Variants in ALPK1 observed in about 807,000 individuals in gnomAD.
ALPK1 encodes alpha kinase 1, also known as alpha-protein kinase 1.
Under a neutral mutation model 120.6 loss-of-function variants are expected in ALPK1, and 110 were observed. The observed-to-expected ratio is 0.91, with a 90% CI of 0.78 to 1.07. The LOEUF (loss-of-function observed/expected upper bound fraction) is 1.07. ALPK1 is among the 50% of genes least tolerant of loss of function. The pLI is 0.00. For synonymous variants in ALPK1, 582 were observed against 560.3 expected (o/e 1.04, Z -0.55); for missense variants, 1,498 against 1,483.9 (o/e 1.01, Z -0.16).
At chr4:112,356,975 C>T (rs1347873632) in intron 2 of ALPK1, 3 of 768,658 alleles carry the variant, frequency 3.9e-6, no homozygotes, top group African/African-American at 3.4e-5. Flanking sequence ...AGACCAGGTG[C>T]TGGAGGAGCA....
At chr4:112,425,483 A>G in intron 6 of ALPK1, 182 bp from the exon 7 acceptor site, 1 of 471,660 alleles carries the variant, frequency 2.1e-6, no homozygotes, top group Admixed American at 3.4e-5. Flanking sequence ...GAGACCAGAC[A>G]GGAGTCAGTT....
intron 6 of ALPK1, 27 bp from the exon 7 acceptor site, chr4:112,425,638 C>T (rs780445460): frequency 1.9e-6 from 3 of 1,591,952 alleles, no homozygotes; most frequent in Admixed American, 3.4e-5. Flanking sequence ...TCTGATAATT[C>T]AAGGGAATTT....
At chr4:112,340,293 C>T (rs1040481585) in intron 2 of ALPK1, among the ~76,000 whole-genome samples, 9 of 152,160 alleles carry the variant, frequency 5.9e-5, no homozygotes, top group Non-Finnish European at 1.2e-4. Context: ...GCAAACATTG[C>T]GTAATATAGA....
chr4:112,377,763 T>C lies in ALPK1; in HGVS notation c.-15T>C, dbSNP rs1382931719. On this transcript the variant is annotated 5_prime_UTR_variant, in exon 3 of 16. Coordinates refer to ENST00000650871, the MANE Select transcript of ALPK1 (RefSeq NM_025144.4). ...TCACCCTAGACCCAGGGACACCCAA[T>C]TCATCGTAATCATCATGAATAATCA... 1.2e-6 allele frequency: 2 copies of C among 1,601,706 alleles called. No homozygotes were observed. Among genetic ancestry groups the C allele is most frequent in the Non-Finnish European group, 1.7e-6 (2 of 1,170,978 alleles).
chr4:112,419,309 A>G (rs1242398544), intron 5 of ALPK1, among the ~76,000 whole-genome samples: 1 of 152,148 alleles, frequency 6.6e-6, no homozygotes, highest in Non-Finnish European at 1.5e-5. Context: ...GGACAAATAT[A>G]TGTGGAAAGC....
At chr4:112,306,282 T>C (rs1271485610) in intron 1 of ALPK1, among the ~76,000 whole-genome samples, 3 of 152,024 alleles carry the variant, frequency 2.0e-5, no homozygotes, top group East Asian at 3.9e-4. Context: ...TTAGGGAGGA[T>C]TCCCTCTTTT....
At chr4:112,374,235 A>G (rs1731550403) in intron 2 of ALPK1, among the ~76,000 whole-genome samples, 2 of 152,226 alleles carry the variant, frequency 1.3e-5, no homozygotes, top group South Asian at 2.1e-4. Flanking sequence ...TGTTCACAGC[A>G]TCTTTACCAG....
At chr4:112,397,334 T>C (rs1732695556) in intron 4 of ALPK1, among the ~76,000 whole-genome samples, 1 of 152,238 alleles carries the variant, frequency 6.6e-6, no homozygotes, top group African/African-American at 2.4e-5. Flanking sequence ...TTATGTATTC[T>C]GTATGTGAAG....
At chr4:112,439,946 A>G in intron 14 of ALPK1, 74 bp downstream of exon 14, 1 of 1,277,038 alleles carries the variant, frequency 7.8e-7, no homozygotes, top group Non-Finnish European at 1.1e-6. Flanking sequence ...AGCTTCCCTA[A>G]TCTTTACTTA....
At chr4:112,320,999 C>T (rs1196738388) in intron 2 of ALPK1, among the ~76,000 whole-genome samples, 3 of 151,140 alleles carry the variant, frequency 2.0e-5, no homozygotes, top group Non-Finnish European at 4.4e-5. Context: ...CAGGTTCACG[C>T]CATTCTTCTG....
At chr4:112,318,354 T>C (rs1034262269) in intron 2 of ALPK1, among the ~76,000 whole-genome samples, 1 of 152,246 alleles carries the variant, frequency 6.6e-6, no homozygotes, top group Non-Finnish European at 1.5e-5. Context: ...GAGGAAGTGG[T>C]GTTAACTCCA....
chr4:112,373,894 C>T (rs550039485), intron 2 of ALPK1, among the ~76,000 whole-genome samples: 2 of 152,264 alleles, frequency 1.3e-5, no homozygotes, highest in East Asian at 3.9e-4. Context: ...CTAAAAAATG[C>T]TAATGATTAT....
chr4:112,370,519 A>G (rs1252271672), intron 2 of ALPK1, among the ~76,000 whole-genome samples: 1 of 152,254 alleles, frequency 6.6e-6, no homozygotes, highest in Non-Finnish European at 1.5e-5. Flanking sequence ...AGCTCACAGA[A>G]TGCCACAGTT....
At chr4:112,318,640 G>A (rs1728737156) in intron 2 of ALPK1, among the ~76,000 whole-genome samples, 1 of 152,228 alleles carries the variant, frequency 6.6e-6, no homozygotes, top group East Asian at 1.9e-4. Context: ...GAAAACTGAT[G>A]AGTTTATTAG....
At chr4:112,357,306 C>T (rs553379414) in intron 2 of ALPK1, 41 of 956,444 alleles carry the variant, frequency 4.3e-5, no homozygotes, top group East Asian at 1.7e-4. Context: ...CAGAAGCTGG[C>T]GGATATTGTC....
At position 112,411,861 on chromosome 4, in the gene ALPK1, G is replaced by A; in HGVS notation, c.311G>A (p.Cys104Tyr). Residue 104 changes from cysteine (C) to tyrosine (Y), a missense_variant, in exon 5 of 16, where the codon TGT becomes TAT. Cys to Tyr is a radical substitution (Grantham distance 194). Coordinates refer to ENST00000650871, the MANE Select transcript of ALPK1 (RefSeq NM_025144.4). ...SLRASILARD[C>Y]AAAAAIVFLV... ...AGGGCCTCCATCCTCGCTCGGGACT[G>A]TGCGGCTGCGGCGGCTATTGTGTTC... The A allele has an allele frequency of 6.2e-7, 1 of 1,613,652 alleles. No homozygotes were observed. The highest frequency in any genetic ancestry group is 8.5e-7 in the Non-Finnish European group (1 of 1,179,892).
intron 1 of ALPK1, among the ~76,000 whole-genome samples, chr4:112,313,906 C>T: frequency 6.6e-6 from 1 of 151,892 alleles, no homozygotes; most frequent in East Asian, 1.9e-4. Context: ...GGGAATTTTG[C>T]TAAAAAAGAC....
intron 2 of ALPK1, among the ~76,000 whole-genome samples, chr4:112,330,912 T>C (rs1420237190): frequency 1.3e-5 from 2 of 152,090 alleles, no homozygotes; most frequent in African/African-American, 4.8e-5. Context: ...AAGAGAAGCA[T>C]AGCAAGGGAG....
At chr4:112,426,424 G>C in intron 7 of ALPK1, 43 bp from the exon 8 acceptor site, 1 of 1,487,438 alleles carries the variant, frequency 6.7e-7, no homozygotes, top group Non-Finnish European at 9.3e-7. Context: ...GATACTAGCT[G>C]TTCCTCCCCT....
Sources: gnomAD v4.1 joint callset for allele counts (sites outside exome capture counted in the v4.1 genomes callset) on GRCh38, gnomAD v4.1.1 for gene constraint, MANE v1.5 for transcripts, NCBI Gene and HGNC (gene_info 2026-07-23, HGNC 2026-07-21) for gene names.